Variants in MMAA observed in about 807,000 individuals in gnomAD.
MMAA encodes the protein metabolism of cobalamin associated A, also known as methylmalonic aciduria type A protein, mitochondrial.
Under a neutral mutation model 45.0 loss-of-function variants are expected in MMAA, and 41 were observed. The ratio of observed to expected loss-of-function variants is 0.91; its 90% confidence interval spans 0.71 to 1.18. The LOEUF (loss-of-function observed/expected upper bound fraction) is 1.18, where lower values mean the gene tolerates loss of function less well. Ranked by LOEUF, MMAA falls within the 50% of genes most tolerant of loss-of-function variation. The pLI is 0.00. For missense variants in MMAA, 460 were observed against 495.7 expected (o/e 0.93, Z 0.68); for synonymous variants, 154 against 178.2 (o/e 0.86, Z 1.08).
intron 1 of MMAA, among the ~76,000 whole-genome samples, chr4:145,623,229 G>A (rs983684275): frequency 6.6e-5 from 10 of 152,082 alleles, no homozygotes; most frequent in African/African-American, 2.2e-4. Flanking sequence ...CTTTATCCCT[G>A]GTTAAAAGCA....
chr4:145,651,100 G>A lies in MMAA; in HGVS notation c.772G>A (p.Asp258Asn), dbSNP rs1728076436. 1.9e-6 allele frequency: 3 copies of A among 1,614,168 alleles called. No individual in the cohort carries two copies. Among genetic ancestry groups the A allele is most frequent in the Non-Finnish European group, 2.5e-6 (3 of 1,180,022 alleles). The stretch of plus-strand genomic sequence containing the variant: ...GGAGTTTGCTGTTGCTGACATGGTT[G>A]ACATGTTTGTTTTACTACTGCCACC... ...QSEFAVADMV[D>N]MFVLLLPPAG... The change falls in exon 5 of 7, where the codon GAC (aspartate) becomes AAC (asparagine). Residue 258 changes from aspartate (D) to asparagine (N), a missense_variant. Coordinates refer to ENST00000649156, the MANE Select transcript of MMAA (RefSeq NM_172250.3).
chr4:145,634,564 C>T (rs759181667), intron 1 of MMAA, among the ~76,000 whole-genome samples: 4 of 151,938 alleles, frequency 2.6e-5, no homozygotes, highest in Admixed American at 6.6e-5. Flanking sequence ...CCACTGTGGC[C>T]AGGCTAGTAC....
At chr4:145,620,091 C>T (rs1734060585) in intron 1 of MMAA, among the ~76,000 whole-genome samples, 1 of 152,116 alleles carries the variant, frequency 6.6e-6, no homozygotes, top group Admixed American at 6.5e-5. Context: ...AAAACTTTTC[C>T]AACTTGGTAG....
intron 1 of MMAA, among the ~76,000 whole-genome samples, chr4:145,628,757 A>G (rs1292429831): frequency 6.6e-6 from 1 of 152,234 alleles, no homozygotes; most frequent in East Asian, 1.9e-4. Context: ...TCTGCCTATC[A>G]TAGTAACATA....
chr4:145,644,724 A>G (rs1284573256), intron 3 of MMAA, among the ~76,000 whole-genome samples: 1 of 152,194 alleles, frequency 6.6e-6, no homozygotes, highest in African/African-American at 2.4e-5. Flanking sequence ...TGTACAACCT[A>G]TGTAAGACGT....
At position 145,639,111 on chromosome 4, in the gene MMAA, T is replaced by C. The variant is rs373547595; in HGVS notation, c.-29T>C. 152 of 1,608,226 alleles carry C rather than the reference T, an allele frequency of 9.5e-5. No individual in the cohort carries two copies. Among genetic ancestry groups the C allele is most frequent in the Non-Finnish European group, 8.0e-5 (94 of 1,174,724 alleles). Reference sequence around the variant, plus strand: ...TCACATTGAGCCAAAACGCATCCAGTGTTTTCTCCAGTTACAAATAAAACG... The same window carrying C: ...TCACATTGAGCCAAAACGCATCCAGCGTTTTCTCCAGTTACAAATAAAACG... On this transcript the variant is annotated 5_prime_UTR_variant, in exon 2 of 7. Transcript: ENST00000649156.
rs1727716308 is a variant in MMAA, at chr4:145,639,384, A to G, written c.245A>G (p.Glu82Gly). 1.2e-6 allele frequency: 2 copies of G among 1,614,096 alleles called. No homozygotes were observed. Among genetic ancestry groups the G allele is most frequent in the African/African-American group, 2.7e-5 (2 of 74,938 alleles). The change falls in exon 2 of 7, where the codon GAG becomes GGG. Residue 82 changes from glutamate (E) to glycine (G), a missense_variant. By Grantham distance (98) the Glu-to-Gly change is moderately conservative. Coordinates refer to ENST00000649156, the MANE Select transcript of MMAA (RefSeq NM_172250.3). The part of the protein sequence containing the change: ...KDHTEGLSDK[E>G]QRFVDKLYTG... ...CACACAGAAGGACTTTCTGATAAAG[A>G]GCAAAGATTTGTGGATAAACTTTAT...
rs879110861 is a variant in MMAA at position 145,642,376 on chromosome 4, C to T, written c.453C>T (p.Pro151=). Residue 151 remains proline, a synonymous_variant, in exon 3 of 7, where the codon CCC becomes CCT. Coordinates refer to ENST00000649156, the MANE Select transcript of MMAA (RefSeq NM_172250.3). ...PLAFRVGLSG[P]PGAGKSTFIE... The stretch of plus-strand genomic sequence containing the variant: ...TTTCCACCGTAGGATTGTCTGGGCC[C>T]CCTGGTGCTGGAAAATCAACATTTA... The T allele has an allele frequency of 6.2e-7, 1 of 1,613,974 alleles. No homozygotes were observed.
chr4:145,651,695 C>T (rs1728093841), intron 5 of MMAA, among the ~76,000 whole-genome samples: 1 of 152,168 alleles, frequency 6.6e-6, no homozygotes, highest in Admixed American at 6.5e-5. Context: ...TGAGGGTTCC[C>T]ATTATCCCTT....
At chr4:145,636,280 C>T (rs1578875471) in intron 1 of MMAA, among the ~76,000 whole-genome samples, 1 of 152,182 alleles carries the variant, frequency 6.6e-6, no homozygotes, top group South Asian at 2.1e-4. Context: ...CCTTTCCATT[C>T]CTTAATACCT....
chr4:145,620,817 A>G (rs1201919638), intron 1 of MMAA, among the ~76,000 whole-genome samples: 2 of 152,176 alleles, frequency 1.3e-5, no homozygotes, highest in African/African-American at 4.8e-5. Flanking sequence ...AGGGGGAAGG[A>G]TGTAAAAGAT....
intron 3 of MMAA, chr4:145,642,802 G>A: frequency 2.8e-6 from 1 of 353,088 alleles, no homozygotes; most frequent in Non-Finnish European, 5.4e-6. Flanking sequence ...CTTTGCTCCT[G>A]TTGTGTTTCC....
intron 1 of MMAA, chr4:145,625,235 T>C (rs1734176986): frequency 3.6e-6 from 4 of 1,116,096 alleles, no homozygotes; most frequent in Non-Finnish European, 5.4e-6. Flanking sequence ...TTCAGGAACT[T>C]CCTGTTGCTG....
At chr4:145,648,485 G>A (rs1728002607) in intron 4 of MMAA, among the ~76,000 whole-genome samples, 1 of 152,112 alleles carries the variant, frequency 6.6e-6, no homozygotes, top group South Asian at 2.1e-4. Context: ...ACACAGCTCA[G>A]TTTATAACAA....
chr4:145,640,588 C>G (rs1285625514), intron 2 of MMAA, among the ~76,000 whole-genome samples: 1 of 152,098 alleles, frequency 6.6e-6, no homozygotes, highest in Non-Finnish European at 1.5e-5. Flanking sequence ...CTCCTGGGCT[C>G]AAGCAGTCCT....
chr4:145,629,969 T>A (rs1429331541), intron 1 of MMAA, among the ~76,000 whole-genome samples: 1 of 151,312 alleles, frequency 6.6e-6, no homozygotes, highest in African/African-American at 2.4e-5. Context: ...CCTCTAGGTA[T>A]TTTTTTTTGG....
chr4:145,658,848 G>C lies in MMAA; in HGVS notation c.*3414G>C, dbSNP rs1305902221. On this transcript the variant is annotated 3_prime_UTR_variant, in exon 7 of 7. Transcript: ENST00000649156. ...AGTAACTCCTGTGATCTATATGTTT[G>C]TGCAGATGGTGGAGCTTTTCTGCTC... The C allele has an allele frequency of 6.6e-6, 1 of 152,194 alleles. No individual in the cohort carries two copies. Among genetic ancestry groups the C allele is most frequent in the East Asian group, 1.9e-4 (1 of 5,198 alleles). The allele number at this position is 152,194 out of a possible 1,614,324, so 9.4% of individuals were successfully genotyped here.
rs1309235913 is a variant in MMAA, at chr4:145,638,091, C to T, written c.-65-984C>T. On this transcript the variant is annotated intron_variant, in intron 1 of 6. Transcript: ENST00000649156. The stretch of plus-strand genomic sequence containing the variant: ...TCATCATAAAAAAGATCCTTATGGC[C>T]GGGCGTGGGGGCTCATGCCTGTAAT... Among the ~76,000 whole-genome samples, 5 of 152,220 alleles carry T rather than the reference C, an allele frequency of 3.3e-5. No individual in the cohort carries two copies. In the East Asian group the frequency reaches 5.8e-4, roughly 18 times the overall value.
rs545579659 is a variant in MMAA at position 145,625,717 on chromosome 4, C to G, written c.-66+6310C>G. ...GCTAGATCTTTGTTTTGGGTACACT[C>G]CAGTTGATGAATAAGACAATTGAAC... is the stretch of plus-strand genomic sequence containing the variant. On this transcript the variant is annotated intron_variant, in intron 1 of 6. Transcript: ENST00000649156. 20 of 1,471,200 alleles carry G rather than the reference C, an allele frequency of 1.4e-5. No homozygotes were observed. The East Asian group carries it at 4.5e-4, about 33-fold the overall frequency. The allele number at this position is 1,471,200 out of a possible 1,614,324, so 91.1% of individuals were successfully genotyped here.
Sources: allele counts gnomAD v4.1 joint callset (sites outside exome capture counted in the v4.1 genomes callset), GRCh38; gene constraint gnomAD v4.1.1; transcripts MANE v1.5; gene names NCBI Gene and HGNC (gene_info 2026-07-23, HGNC 2026-07-21).